The following ARPC3 variants were observed in gnomAD, a reference collection of about 807,000 sequenced individuals.
ARPC3 encodes actin-related protein 2/3 complex subunit 3.
In ARPC3, 12 loss-of-function variants were observed where a neutral mutation model predicts 27.6. That is an observed-to-expected ratio of 0.43 (90% CI 0.28 to 0.70). The LOEUF is 0.70. ARPC3 is among the 30% of genes least tolerant of loss of function. ARPC3 has a pLI of 0.17. For synonymous variants in ARPC3, 53 were observed against 67.2 expected, an observed-to-expected ratio of 0.79 and a Z score of 1.03; for missense variants, 153 against 207.7, an observed-to-expected ratio of 0.74 and a Z score of 1.62.
At chr12:110,448,737 T>C (rs183434603) in intron 1 of ARPC3, among the ~76,000 whole-genome samples, 2 of 126,446 alleles carry the variant, frequency 1.6e-5, no homozygotes, top group Admixed American at 9.7e-5. Context: ...CCGCCTTCCC[T>C]CTCACCAACT....
At chr12:110,438,484 A>G (rs914277006) in intron 3 of ARPC3, among the ~76,000 whole-genome samples, 1 of 150,042 alleles carries the variant, frequency 6.7e-6, no homozygotes, top group Non-Finnish European at 1.5e-5. Context: ...CTGTAATCCC[A>G]GCTACTTGGG....
intron 3 of ARPC3, among the ~76,000 whole-genome samples, chr12:110,439,692 G>C (rs2062425596): frequency 6.6e-6 from 1 of 152,174 alleles, no homozygotes; most frequent in Admixed American, 6.6e-5. Flanking sequence ...AAATTAGCCA[G>C]GTGTGGTGGT....
intron 1 of ARPC3, among the ~76,000 whole-genome samples, chr12:110,446,016 T>C (rs2062462362): frequency 6.7e-6 from 1 of 149,540 alleles, no homozygotes; most frequent in African/African-American, 2.5e-5. Flanking sequence ...AGCTGGAGAA[T>C]CACTTGAACC....
At chr12:110,446,052 G>A (rs963314805) in intron 1 of ARPC3, among the ~76,000 whole-genome samples, 3 of 150,652 alleles carry the variant, frequency 2.0e-5, no homozygotes, top group South Asian at 2.1e-4. Context: ...GCAGTGAGCC[G>A]AGATCGTGCC....
chr12:110,436,717 C>CATACAT, intron 4 of ARPC3, 34 bp from the exon 5 acceptor site: 2 of 691,168 alleles, frequency 2.9e-6, no homozygotes, highest in Non-Finnish European at 4.5e-6. Context: ...TATATACACA[C>CATACAT]ACACACACAC....
chr12:110,446,147 T>C (rs1355147170), intron 1 of ARPC3, among the ~76,000 whole-genome samples: 2 of 150,564 alleles, frequency 1.3e-5, no homozygotes, highest in Non-Finnish European at 3.0e-5. Flanking sequence ...GATGCTTAAG[T>C]ATTCATCACT....
intron 5 of ARPC3, 161 bp from the exon 6 acceptor site, chr12:110,436,365 G>C: frequency 8.6e-7 from 1 of 1,167,374 alleles, no homozygotes; most frequent in South Asian, 1.4e-5. Flanking sequence ...ATTTGTTTTT[G>C]TTCAAAAGAT....
At chr12:110,444,582 GC>G (rs2062454557) in intron 2 of ARPC3, among the ~76,000 whole-genome samples, 1 of 152,162 alleles carries the variant, frequency 6.6e-6, no homozygotes, top group Non-Finnish European at 1.5e-5. Flanking sequence ...ACCGCACCCA[GC>G]CTTGTGATTT....
chr12:110,449,394 T>C (rs1488732163), intron 1 of ARPC3, among the ~76,000 whole-genome samples: 1 of 151,892 alleles, frequency 6.6e-6, no homozygotes, highest in East Asian at 2.0e-4. Context: ...AAACCCCGTC[T>C]CTACTAAAAT....
chr12:110,439,194 C>T (rs1245625535), intron 3 of ARPC3, among the ~76,000 whole-genome samples: 1 of 152,018 alleles, frequency 6.6e-6, no homozygotes, highest in African/African-American at 2.4e-5. Flanking sequence ...CTTTGTTGGC[C>T]AGGCTGGTCT....
chr12:110,437,647 C>A (rs1337381687), intron 3 of ARPC3, among the ~76,000 whole-genome samples: 5 of 152,104 alleles, frequency 3.3e-5, no homozygotes, highest in Admixed American at 6.6e-5. Context: ...GGATTACAGG[C>A]ATGAGCCACC....
At chr12:110,438,832 G>A (rs1035784702) in intron 3 of ARPC3, among the ~76,000 whole-genome samples, 2 of 151,012 alleles carry the variant, frequency 1.3e-5, no homozygotes, top group African/African-American at 2.4e-5. Context: ...TAGTAGAGAC[G>A]GGGTTTCCCC....
Position 110,440,808 on chromosome 12 carries a change from A to C in ARPC3, c.107-420T>G, listed in dbSNP as rs1247238740. On this transcript the variant is annotated intron_variant, in intron 2 of 6. Transcript: ENST00000228825. ...TGATCCGCCCATCTCGGCCTCCCAA[A>C]GTGCTGGGATTACAGGCATGAGCCA... Among the ~76,000 whole-genome samples the C allele has an allele frequency of 3.7e-3, 435 of 117,288 alleles. No homozygotes were observed. The Middle Eastern group carries it at 0.063, about 17-fold the overall frequency. The allele number at this position is 117,288 out of a possible 152,430, so 76.9% of individuals were successfully genotyped here. A position where few individuals can be genotyped will look rare whatever the true frequency, so the allele number is the denominator to read the frequency against.
intron 2 of ARPC3, among the ~76,000 whole-genome samples, chr12:110,443,969 GTT>G (rs34686679): frequency 3.7e-4 from 54 of 146,158 alleles, no homozygotes; most frequent in African/African-American, 1.3e-3. Context: ...TCCAATTCAG[GTT>G]TTTTTTTTTT....
chr12:110,448,909 G>A (rs888806247), intron 1 of ARPC3, among the ~76,000 whole-genome samples: 3 of 151,458 alleles, frequency 2.0e-5, no homozygotes, highest in African/African-American at 7.3e-5. Flanking sequence ...CCAAGTAGCT[G>A]GGATTACAGG....
chr12:110,444,279 GA>G (rs35199599), intron 2 of ARPC3, among the ~76,000 whole-genome samples: 1,676 of 146,960 alleles, frequency 0.011, 43 homozygotes, highest in African/African-American at 0.041. Flanking sequence ...CCTTTGCAGT[GA>G]AAAAAAATTT....
intron 1 of ARPC3, among the ~76,000 whole-genome samples, chr12:110,445,913 G>A (rs1288794699): frequency 1.3e-5 from 2 of 151,986 alleles, no homozygotes; most frequent in African/African-American, 4.8e-5. Context: ...CAACCAGCCT[G>A]GGCAACACAG....
chr12:110,442,405 C>T (rs1337455568), intron 2 of ARPC3, among the ~76,000 whole-genome samples: 3 of 151,928 alleles, frequency 2.0e-5, no homozygotes, highest in Non-Finnish European at 4.4e-5. Context: ...GTCAGGAGTT[C>T]GAGACCAGCC....
intron 2 of ARPC3, among the ~76,000 whole-genome samples, chr12:110,444,104 G>A (rs1012085012): frequency 6.6e-6 from 1 of 151,702 alleles, no homozygotes; most frequent in Non-Finnish European, 1.5e-5. Flanking sequence ...CAAGTAGTTG[G>A]GATTACAGGC....
Sources: allele counts gnomAD v4.1 joint callset (sites outside exome capture counted in the v4.1 genomes callset), GRCh38; gene constraint gnomAD v4.1.1; transcripts MANE v1.5; gene names NCBI Gene and HGNC (gene_info 2026-07-23, HGNC 2026-07-21).